Variants in SAMMSON observed in about 807,000 individuals in gnomAD.
SAMMSON encodes the protein survival associated mitochondrial melanoma specific oncogenic non-coding RNA.
intron 6 of SAMMSON, among the ~76,000 whole-genome samples, chr3:70,279,758 C>G (rs146623850): frequency 1.3e-5 from 2 of 152,270 alleles, no homozygotes; most frequent in African/African-American, 4.8e-5. Context: ...GGCATAAATG[C>G]CATCCCTCTT....
chr3:70,203,955 G>A (rs986866797), intron 4 of SAMMSON, among the ~76,000 whole-genome samples: 1 of 152,046 alleles, frequency 6.6e-6, no homozygotes, highest in African/African-American at 2.4e-5. Context: ...GACCACACAC[G>A]ATGAACCACA....
intron 7 of SAMMSON, among the ~76,000 whole-genome samples, chr3:70,319,839 A>G (rs1559563016): frequency 2.0e-5 from 3 of 152,214 alleles, no homozygotes; most frequent in Middle Eastern, 3.4e-3. Context: ...GTTTATTTAA[A>G]AAAAGATTTG....
chr3:70,008,606 T>C (rs1229682691), intron 1 of SAMMSON, among the ~76,000 whole-genome samples: 1 of 152,210 alleles, frequency 6.6e-6, no homozygotes, highest in Non-Finnish European at 1.5e-5. Context: ...TGACTTCCTC[T>C]TTTCCTACTT....
In SAMMSON at chr3:70,139,239, A is replaced by G. The variant is rs1476326920; in HGVS notation, n.507+67674A>G. Among the ~76,000 whole-genome samples, 5 of 152,088 alleles carry G rather than the reference A, an allele frequency of 3.3e-5. No homozygotes were observed. In the South Asian group the frequency reaches 6.2e-4, roughly 19 times the overall value. ...TTTTGTAGAGATGGGGTCTTGCTAT[A>G]TTGTCCAGGCTGGTCTTGAACTCCT... is the stretch of plus-strand genomic sequence containing the variant. On this transcript the variant is annotated intron_variant and non_coding_transcript_variant, in intron 4 of 9. Coordinates refer to ENST00000642114, the Ensembl canonical transcript of SAMMSON.
At chr3:70,354,915 A>G (rs537916435) in intron 8 of SAMMSON, among the ~76,000 whole-genome samples, 1 of 152,192 alleles carries the variant, frequency 6.6e-6, no homozygotes, top group Non-Finnish European at 1.5e-5. Flanking sequence ...TATTTTTCTT[A>G]ATAAAATCCT....
chr3:70,391,978 C>G (rs934778366), downstream of SAMMSON, among the ~76,000 whole-genome samples: 2 of 152,086 alleles, frequency 1.3e-5, no homozygotes, highest in African/African-American at 4.8e-5. Context: ...CACGAGAACT[C>G]TACTATCTGT....
intron 4 of SAMMSON, among the ~76,000 whole-genome samples, chr3:70,110,542 A>G (rs1355529377): frequency 2.0e-5 from 3 of 152,154 alleles, no homozygotes; most frequent in African/African-American, 7.2e-5. Context: ...ATTCTCTTTC[A>G]TCCCTATTTC....
At chr3:70,386,130 C>A (rs1177261960) in intron 9 of SAMMSON, among the ~76,000 whole-genome samples, 1 of 152,058 alleles carries the variant, frequency 6.6e-6, no homozygotes, top group East Asian at 1.9e-4. Context: ...CGTTTTGAAG[C>A]CTTCTGGAAA....
intron 4 of SAMMSON, among the ~76,000 whole-genome samples, chr3:70,187,427 CTTTTTTTTTTTT>C (rs928465556): frequency 2.7e-5 from 2 of 73,116 alleles, no homozygotes; most frequent in Non-Finnish European, 2.5e-5. Flanking sequence ...GGGACCAACT[CTTTTTTTTTTTT>C]TTTTTTTTTT....
chr3:70,354,848 T>C (rs906370564), intron 8 of SAMMSON, among the ~76,000 whole-genome samples: 1 of 152,176 alleles, frequency 6.6e-6, no homozygotes, highest in Non-Finnish European at 1.5e-5. Context: ...ACATGCATTG[T>C]GGTCTGATTG....
At chr3:70,223,497 C>T (rs1224316771) in intron 4 of SAMMSON, among the ~76,000 whole-genome samples, 1 of 152,060 alleles carries the variant, frequency 6.6e-6, no homozygotes, top group East Asian at 1.9e-4. Context: ...AAAAGTTACT[C>T]TTGTAGATTT....
chr3:70,322,768 T>A (rs184427987), intron 7 of SAMMSON, among the ~76,000 whole-genome samples: 1 of 152,132 alleles, frequency 6.6e-6, no homozygotes, highest in Non-Finnish European at 1.5e-5. Flanking sequence ...GCAGTTTTAT[T>A]TGATCTTATC....
intron 4 of SAMMSON, chr3:70,125,373 C>G (rs1374321540): frequency 1.2e-5 from 18 of 1,452,370 alleles, no homozygotes; most frequent in Middle Eastern, 4.6e-4. Context: ...TTTGGTTCAC[C>G]AGGTTCATAA....
chr3:70,235,668 A>G (rs781385927), intron 4 of SAMMSON, among the ~76,000 whole-genome samples: 2 of 152,126 alleles, frequency 1.3e-5, no homozygotes, highest in African/African-American at 2.4e-5. Context: ...CCACTCTTGA[A>G]TATGTTAGTC....
intron 7 of SAMMSON, among the ~76,000 whole-genome samples, chr3:70,331,967 G>A (rs1178302385): frequency 1.3e-5 from 2 of 152,200 alleles, no homozygotes; most frequent in East Asian, 1.9e-4. Flanking sequence ...TACTGTATGT[G>A]CAGACAAAGG....
At chr3:70,277,668 G>T (rs1468729691) in intron 6 of SAMMSON, among the ~76,000 whole-genome samples, 1 of 152,120 alleles carries the variant, frequency 6.6e-6, no homozygotes, top group Non-Finnish European at 1.5e-5. Flanking sequence ...GTCGAGTATG[G>T]GGAGGATCTC....
At chr3:70,230,759 G>A (rs1701551397) in intron 4 of SAMMSON, among the ~76,000 whole-genome samples, 1 of 152,160 alleles carries the variant, frequency 6.6e-6, no homozygotes, top group Non-Finnish European at 1.5e-5. Flanking sequence ...CACCCTCCTT[G>A]AGTTTTAAAG....
chr3:70,209,005 A>C (rs1701316740), intron 4 of SAMMSON, among the ~76,000 whole-genome samples: 1 of 152,098 alleles, frequency 6.6e-6, no homozygotes, highest in Admixed American at 6.6e-5. Flanking sequence ...TACAGATGAG[A>C]GAACACTAGG....
rs911243803 is a variant in SAMMSON at position 70,075,311 on chromosome 3, C to T, written n.507+3746C>T. On this transcript the variant is annotated intron_variant and non_coding_transcript_variant, in intron 4 of 9. Transcript: ENST00000642114. ...GTTTCTTAAAATAGCAATGTTTTCC[C>T]AGTCTTCATATCAATATTTATGTTG... 7.2e-5 allele frequency: 11 copies of T among 152,188 alleles called. No homozygotes were observed. In the Middle Eastern group the frequency reaches 0.01, roughly 141 times the overall value. The allele number at this position is 152,188 out of a possible 1,614,324, so 9.4% of individuals were successfully genotyped here. A position where few individuals can be genotyped will look rare whatever the true frequency, so the allele number is the denominator to read the frequency against.
Sources: gnomAD v4.1 joint callset for allele counts (sites outside exome capture counted in the v4.1 genomes callset) on GRCh38, gnomAD v4.1.1 for gene constraint, MANE v1.5 for transcripts, NCBI Gene and HGNC (gene_info 2026-07-23, HGNC 2026-07-21) for gene names.